Variants in SRCIN1 observed in about 807,000 individuals in gnomAD.
The protein encoded by SRCIN1 is SRC kinase signaling inhibitor 1, also known as P130Cas-associated protein.
SRCIN1 carries 50 observed loss-of-function variants against 116.2 expected under a neutral mutation model. The ratio of observed to expected loss-of-function variants is 0.43; its 90% CI spans 0.34 to 0.54. SRCIN1 has a LOEUF of 0.54. Ranked by LOEUF, SRCIN1 falls within the 20% of genes least tolerant of loss-of-function variation. The probability of loss-of-function intolerance (pLI) is 0.02; values close to 1 mark genes in which losing one functional copy is unlikely to be tolerated. For synonymous variants in SRCIN1, 736 were observed against 750.0 expected, an observed-to-expected ratio of 0.98 and a Z score of 0.30; for missense variants, 1,446 against 1,672.0, an observed-to-expected ratio of 0.86 and a Z score of 2.36.
At chr17:38,565,787 G>A (rs1293680973) in intron 3 of SRCIN1, among the ~76,000 whole-genome samples, 3 of 152,198 alleles carry the variant, frequency 2.0e-5, no homozygotes, top group African/African-American at 7.2e-5. Context: ...GATCAGACGT[G>A]GGGACATCAG....
chr17:38,541,945 G>A (rs9747834), intron 18 of SRCIN1: 4,351 of 152,422 alleles, frequency 0.029, 220 homozygotes, highest in African/African-American at 0.098. Context: ...GCAAGACTCC[G>A]TCTCAAAAAA....
intron 18 of SRCIN1, among the ~76,000 whole-genome samples, chr17:38,533,889 C>T (rs1005564398): frequency 6.6e-6 from 1 of 152,056 alleles, no homozygotes; most frequent in Non-Finnish European, 1.5e-5. Flanking sequence ...ACAGCCAGAG[C>T]CCCTTCCAGC....
chr17:38,542,806 C>A lies in SRCIN1; in HGVS notation c.3417+1017G>T, dbSNP rs115194410. On this transcript the variant is annotated intron_variant, in intron 18 of 18. Transcript: ENST00000617146. ...AGCCCCTCTCCTCCTCTGAGCTGCC[C>A]CCTCATCTGAAAAAGAGATGGACTC... The A allele has an allele frequency of 2.4e-3, 688 of 287,916 alleles. 2 individuals carry two copies. The highest frequency in any genetic ancestry group is 0.014 in the African/African-American group (653 of 46,142). 17.8% of individuals were successfully genotyped at this position (287,916 alleles called of 1,614,324 possible). A position where few individuals can be genotyped will look rare whatever the true frequency, so the allele number is the denominator to read the frequency against.
chr17:38,563,532 G>A lies in SRCIN1; in HGVS notation c.542-11C>T. ...GCAGGAACAGCACCCCTGCGAAGGA[G>A]ACGCCGCCCTCGCTGTCACTGCTGC... On this transcript the variant is annotated splice_polypyrimidine_tract_variant and intron_variant, in intron 4 of 18. Transcript: ENST00000617146. This position sits in a 1 kb window ranked among gnomAD's most constrained non-coding sequence, Gnocchi z 5.8. 1.3e-6 allele frequency: 2 copies of A among 1,546,430 alleles called. No homozygotes were observed. Among genetic ancestry groups the A allele is most frequent in the Non-Finnish European group, 1.7e-6 (2 of 1,147,042 alleles).
intron 4 of SRCIN1, 82 bp downstream of exon 4, chr17:38,564,036 T>G: frequency 2.8e-6 from 4 of 1,439,926 alleles, no homozygotes; most frequent in Non-Finnish European, 3.7e-6. Context: ...TGGCGTGCTG[T>G]AGGGGAGGAG....
Position 38,558,427 on chromosome 17 carries a change from C to G in SRCIN1, c.2026-25G>C, listed in dbSNP as rs1437856200. 5.7e-6 allele frequency: 9 copies of G among 1,570,570 alleles called. No individual in the cohort carries two copies. The highest frequency in any genetic ancestry group is 3.4e-5 in the South Asian group (3 of 88,240). On this transcript the variant is annotated intron_variant, in intron 10 of 18. Coordinates refer to ENST00000617146, the MANE Select transcript of SRCIN1 (RefSeq NM_025248.3). The surrounding 1 kb of genome is among the most constrained non-coding windows in gnomAD (Gnocchi z 4.6). ...GCTGCGGGACGCACGGACGGATGGA[C>G]CCGGGTGGGGGGAGCGGAGCCGCGA...
chr17:38,573,472 A>G (rs1218403225), intron 2 of SRCIN1, among the ~76,000 whole-genome samples: 1 of 152,164 alleles, frequency 6.6e-6, no homozygotes, highest in Non-Finnish European at 1.5e-5. Flanking sequence ...ATGCACAGAC[A>G]CTTTCCTGGT....
At chr17:38,577,045 T>C (rs1272344535) in intron 2 of SRCIN1, among the ~76,000 whole-genome samples, 1 of 152,166 alleles carries the variant, frequency 6.6e-6, no homozygotes, top group Non-Finnish European at 1.5e-5. Context: ...CCAAACCAAC[T>C]CAGGCCTATG....
intron 2 of SRCIN1, among the ~76,000 whole-genome samples, chr17:38,576,929 C>T (rs1328138022): frequency 6.6e-6 from 1 of 152,074 alleles, no homozygotes; most frequent in African/African-American, 2.4e-5. Context: ...CAAACACAGC[C>T]ACCTTAGCCA....
chr17:38,593,680 CCATCAGTGTTTT>C (rs1331863144), intron 1 of SRCIN1, among the ~76,000 whole-genome samples: 1 of 152,156 alleles, frequency 6.6e-6, no homozygotes, highest in East Asian at 1.9e-4. Flanking sequence ...TAAATACTGG[CCATCAGTGTTTT>C]CATTATTACC....
At chr17:38,545,657 T>G (rs999762004) in intron 17 of SRCIN1, among the ~76,000 whole-genome samples, 1 of 152,166 alleles carries the variant, frequency 6.6e-6, no homozygotes, top group African/African-American at 2.4e-5. Flanking sequence ...CACCATACCC[T>G]GTGGCCTCCT....
Position 38,582,208 on chromosome 17 carries a change from C to A in SRCIN1, c.23-3417G>T, listed in dbSNP as rs146499070. 3.8e-3 allele frequency among the ~76,000 whole-genome samples: 585 copies of A among 152,294 alleles called. 3 individuals carry two copies. The highest frequency in any genetic ancestry group is 0.014 in the African/African-American group (569 of 41,548). On this transcript the variant is annotated intron_variant, in intron 1 of 18. Transcript: ENST00000617146. Reference sequence around the variant, plus strand: ...CCTGGAGCCAAAAGAGCTCCTCATCCCCTCTCTTACCCCCTCCTCATGCCA... The same window carrying A: ...CCTGGAGCCAAAAGAGCTCCTCATCACCTCTCTTACCCCCTCCTCATGCCA...
chr17:38,564,349 T>A, intron 3 of SRCIN1, 36 bp from the exon 4 acceptor site: 1 of 1,464,618 alleles, frequency 6.8e-7, no homozygotes, highest in Non-Finnish European at 9.0e-7. Flanking sequence ...GAACCAAGGA[T>A]GAGCACCCCC....
chr17:38,553,496 C>G (rs1425564877), intron 11 of SRCIN1, among the ~76,000 whole-genome samples: 4 of 152,006 alleles, frequency 2.6e-5, no homozygotes, highest in African/African-American at 7.3e-5. Flanking sequence ...TTCAAAGAAC[C>G]AGAGGCAGAG....
Position 38,578,641 on chromosome 17 carries a change from G to T in SRCIN1, c.173C>A (p.Thr58Lys). 1 of 1,597,214 alleles carries T rather than the reference G, an allele frequency of 6.3e-7. No individual in the cohort carries two copies. Residue 58 changes from threonine (T) to lysine (K), a missense_variant, in exon 2 of 19, where the codon ACG (threonine) becomes AAG (lysine). Coordinates refer to ENST00000617146, the MANE Select transcript of SRCIN1 (RefSeq NM_025248.3). ...GLVHTSERRH[T>K]VIAAQSLEAL... is the part of the protein sequence containing the mutation. ...CTCCAGACTCTGGGCCGCGATCACCGTGTGCCGCCGCTCGGACGTGTGCAC... is the reference window on the plus strand; with the variant it reads ...CTCCAGACTCTGGGCCGCGATCACCTTGTGCCGCCGCTCGGACGTGTGCAC...
In SRCIN1 at chr17:38,532,195, C is replaced by T. The variant is rs1039650135; in HGVS notation, c.*1102G>A. The T allele has an allele frequency of 1.3e-5, 2 of 152,296 alleles. No individual in the cohort carries two copies. The highest frequency in any genetic ancestry group is 4.8e-5 in the African/African-American group (2 of 41,438). 9.4% of individuals were successfully genotyped at this position (152,296 alleles called of 1,614,324 possible). A position where few individuals can be genotyped will look rare whatever the true frequency, so the allele number is the denominator to read the frequency against. Reference sequence around the variant, plus strand: ...TTGAAAAACTACGTCTCATCCTTTCCTGGGAAAACCCTCAAATTGCCAAGA... The same window carrying T: ...TTGAAAAACTACGTCTCATCCTTTCTTGGGAAAACCCTCAAATTGCCAAGA... On this transcript the variant is annotated 3_prime_UTR_variant, in exon 19 of 19. Coordinates refer to ENST00000617146, the MANE Select transcript of SRCIN1 (RefSeq NM_025248.3). The surrounding 1 kb of genome is among the most constrained non-coding windows in gnomAD (Gnocchi z 4.3).
Position 38,563,466 on chromosome 17 carries a change from C to T in SRCIN1, c.597G>A (p.Glu199=), listed in dbSNP as rs775546809. 1.9e-5 allele frequency: 30 copies of T among 1,557,038 alleles called. No homozygotes were observed. The South Asian group carries it at 3.0e-4, about 15-fold the overall frequency. Residue 199 remains glutamate, a synonymous_variant, in exon 5 of 19, where the codon GAG becomes GAA. Transcript: ENST00000617146. This position sits in a 1 kb window ranked among gnomAD's most constrained non-coding sequence, Gnocchi z 5.8. Reference sequence around the variant, plus strand: ...CGTGCAGCGTGTCCAGGCTGCTGACCTCGTGCGTGATGTGCACGCGCCGAG... The same window carrying T: ...CGTGCAGCGTGTCCAGGCTGCTGACTTCGTGCGTGATGTGCACGCGCCGAG... ...EETRRVHITH[E]VSSLDTLHAL...
At chr17:38,536,895 C>A (rs994902390) in intron 18 of SRCIN1, among the ~76,000 whole-genome samples, 3 of 152,232 alleles carry the variant, frequency 2.0e-5, no homozygotes, top group Non-Finnish European at 4.4e-5. Flanking sequence ...CTAAAAACAG[C>A]TGTGTGAGGC....
chr17:38,587,411 A>AGCTCTCG (rs1395848591), intron 1 of SRCIN1, among the ~76,000 whole-genome samples: 2 of 151,976 alleles, frequency 1.3e-5, no homozygotes, highest in African/African-American at 4.8e-5. Context: ...CTCAGCTCTC[A>AGCTCTCG]GCTCTCGGGA....
Sources: gnomAD v4.1 joint callset for allele counts (sites outside exome capture counted in the v4.1 genomes callset) on GRCh38, gnomAD v4.1.1 for gene constraint, Gnocchi (gnomAD v3.1) non-coding constraint, MANE v1.5 for transcripts, NCBI Gene and HGNC (gene_info 2026-07-23, HGNC 2026-07-21) for gene names.